Variants in EFHC2 observed in about 807,000 individuals in gnomAD.
EFHC2 encodes EF-hand domain containing 2.
Under a neutral mutation model 52.7 loss-of-function variants are expected in EFHC2, and 18 were observed. That is an observed-to-expected ratio of 0.34 (90% CI 0.24 to 0.51). The LOEUF (loss-of-function observed/expected upper bound fraction) is 0.51, where lower values mean the gene tolerates loss of function less well. Among genes scored for constraint, EFHC2 ranks in the 20% least tolerant of loss-of-function variants. EFHC2 has a pLI of 0.97. For missense variants in EFHC2, 513 were observed against 562.5 expected (o/e 0.91, Z 0.89); for synonymous variants, 203 against 204.1 (o/e 0.99, Z 0.04).
At chrX:44,329,483 T>C (rs761031038) in intron 1 of EFHC2, among the ~76,000 whole-genome samples, 2 of 111,761 alleles carry the variant, frequency 1.8e-5, no homozygotes, top group South Asian at 7.4e-4. Context: ...CAAAAGCAAT[T>C]CAATGGAAGG....
chrX:44,305,852 A>G (rs2037901939), intron 2 of EFHC2, among the ~76,000 whole-genome samples: 1 of 112,156 alleles, frequency 8.9e-6, no homozygotes, highest in Admixed American at 9.5e-5. Flanking sequence ...TCCTAGTGTA[A>G]CCGCACCAGA....
chrX:44,299,852 TA>T (rs1451276200), intron 2 of EFHC2, among the ~76,000 whole-genome samples: 2 of 111,922 alleles, frequency 1.8e-5, no homozygotes, highest in Non-Finnish European at 3.8e-5. Context: ...ATCAAACTGT[TA>T]TATAAGATGT....
At chrX:44,248,219 G>T (rs1393731606) in intron 7 of EFHC2, 53 bp downstream of exon 7, 1 of 1,031,017 alleles carries the variant, frequency 9.7e-7, no homozygotes, top group African/African-American at 1.9e-5. Flanking sequence ...CTTAATTAGG[G>T]AACAAACAAT....
At chrX:44,155,635 C>G (rs919680960) in intron 14 of EFHC2, among the ~76,000 whole-genome samples, 1 of 111,878 alleles carries the variant, frequency 8.9e-6, no homozygotes, top group African/African-American at 3.3e-5. Flanking sequence ...CCATGTTACT[C>G]CCCTCTATTC....
chrX:44,258,767 A>G (rs2037513553), intron 4 of EFHC2, among the ~76,000 whole-genome samples: 1 of 110,019 alleles, frequency 9.1e-6, no homozygotes, highest in African/African-American at 3.3e-5. Flanking sequence ...TGAGGCACAG[A>G]ATTTCTTGAA....
intron 1 of EFHC2, among the ~76,000 whole-genome samples, chrX:44,328,851 C>T (rs1435386202): frequency 1.8e-5 from 2 of 111,327 alleles, no homozygotes; most frequent in East Asian, 2.8e-4. Flanking sequence ...ATAGGGTCTA[C>T]GTCAAGTAAC....
intron 11 of EFHC2, among the ~76,000 whole-genome samples, chrX:44,219,483 A>T (rs1209842715): frequency 9.0e-6 from 1 of 111,415 alleles, no homozygotes; most frequent in African/African-American, 3.3e-5. Flanking sequence ...GGGTTAATAG[A>T]TGGATATAAG....
chrX:44,324,341 CTT>C (rs930842029), intron 1 of EFHC2, among the ~76,000 whole-genome samples: 2 of 111,225 alleles, frequency 1.8e-5, no homozygotes, highest in Non-Finnish European at 3.8e-5. Flanking sequence ...GCCAAACTAT[CTT>C]TTAAAAACCT....
chrX:44,278,777 T>C (rs1052811880), intron 2 of EFHC2, among the ~76,000 whole-genome samples: 1 of 112,145 alleles, frequency 8.9e-6, no homozygotes, highest in African/African-American at 3.2e-5. Context: ...TTAGATCATA[T>C]CCTTTTGTCC....
chrX:44,339,683 T>C (rs1389292973), intron 1 of EFHC2, among the ~76,000 whole-genome samples: 5 of 109,699 alleles, frequency 4.6e-5, no homozygotes, highest in African/African-American at 1.7e-4. Flanking sequence ...TAATTTTAAA[T>C]CCAAACAGCC....
intron 2 of EFHC2, chrX:44,309,531 A>G: frequency 8.3e-7 from 1 of 1,201,831 alleles, no homozygotes; most frequent in Non-Finnish European, 1.1e-6. Context: ...TTAGAGTGCA[A>G]TTCATCCCAA....
intron 3 of EFHC2, among the ~76,000 whole-genome samples, chrX:44,266,056 A>G (rs935496118): frequency 1.8e-5 from 2 of 111,656 alleles, no homozygotes; most frequent in African/African-American, 3.3e-5. Context: ...TGTTTTCCCT[A>G]TTCAATCTAT....
At position 44,248,893 on chromosome X, in the gene EFHC2, T is replaced by C. The variant is rs2037421234; in HGVS notation, c.882A>G (p.Gln294=). The C allele has an allele frequency of 2.5e-6, 3 of 1,203,964 alleles. No individual in the cohort carries two copies. Among genetic ancestry groups the C allele is most frequent in the African/African-American group, 1.7e-5 (1 of 57,612 alleles). Residue 294 remains glutamine, a synonymous_variant, in exon 6 of 15, where the codon CAA becomes CAG. Transcript: ENST00000420999. The stretch of plus-strand genomic sequence containing the variant: ...CTGCTCGATCTGTTATCTGGCCTGG[T>C]TGATAGACTCTAGGTGGGCAATTCT... The part of the protein sequence containing the change: ...LPKNCPPRVY[Q]PGQITDRAVL...
intron 2 of EFHC2, chrX:44,310,505 G>T (rs1000835063): frequency 6.9e-4 from 309 of 450,346 alleles, no homozygotes; most frequent in Non-Finnish European, 1.0e-3. Flanking sequence ...GAGAGTGAGG[G>T]GCCGGGACCG....
intron 2 of EFHC2, among the ~76,000 whole-genome samples, chrX:44,304,130 A>G (rs1008456018): frequency 1.8e-5 from 2 of 112,572 alleles, no homozygotes; most frequent in African/African-American, 6.5e-5. Context: ...CAGCCACCAT[A>G]GCGTAGCATA....
At chrX:44,258,477 G>A (rs1459131674) in intron 4 of EFHC2, among the ~76,000 whole-genome samples, 5 of 109,263 alleles carry the variant, frequency 4.6e-5, no homozygotes, top group Non-Finnish European at 7.6e-5. Flanking sequence ...GATATGAACA[G>A]ACACTTCTCA....
At chrX:44,154,407 G>A (rs1384513254) in intron 14 of EFHC2, among the ~76,000 whole-genome samples, 1 of 111,773 alleles carries the variant, frequency 8.9e-6, no homozygotes, top group African/African-American at 3.3e-5. Context: ...GTTGCATTAA[G>A]CTCTAATCAT....
intron 14 of EFHC2, among the ~76,000 whole-genome samples, chrX:44,155,505 T>C (rs187990577): frequency 1.6e-3 from 177 of 112,399 alleles, no homozygotes; most frequent in African/African-American, 5.3e-3. Context: ...GCTGTAATAC[T>C]GGCCACCAGA....
chrX:44,199,307 T>C (rs779437718), intron 11 of EFHC2, among the ~76,000 whole-genome samples: 2 of 113,214 alleles, frequency 1.8e-5, no homozygotes, highest in South Asian at 7.2e-4. Context: ...CTGCCCTGAT[T>C]GTAAGCTTCC....
Sources: allele counts gnomAD v4.1 joint callset (sites outside exome capture counted in the v4.1 genomes callset), GRCh38; gene constraint gnomAD v4.1.1; transcripts MANE v1.5; gene names NCBI Gene and HGNC (gene_info 2026-07-23, HGNC 2026-07-21).